MEIG1: variants seen among roughly 807,000 people sequenced by gnomAD.
The protein encoded by MEIG1 is meiosis expressed gene 1 protein homolog.
MEIG1 carries 12 observed loss-of-function variants against 11.3 expected under a neutral mutation model. The ratio of observed to expected loss-of-function variants is 1.07; its 90% CI spans 0.68 to 1.73. The LOEUF (loss-of-function observed/expected upper bound fraction) is 1.73. Among genes scored for constraint, MEIG1 ranks in the 40% most tolerant of loss-of-function variants. The pLI is 0.00. For synonymous variants in MEIG1, 41 were observed against 33.2 expected, an observed-to-expected ratio of 1.24 and a Z score of -0.81; for missense variants, 119 against 104.9, an observed-to-expected ratio of 1.13 and a Z score of -0.59.
chr10:14,977,451 T>G (rs1364093225), downstream of MEIG1, among the ~76,000 whole-genome samples: 7 of 151,998 alleles, frequency 4.6e-5, no homozygotes, highest in Non-Finnish European at 1.0e-4. Context: ...GTTACAGGGA[T>G]GTACACCGTG....
intron 2 of MEIG1, chr10:14,970,633 G>A (rs1168283107): frequency 6.6e-6 from 1 of 152,250 alleles, no homozygotes; most frequent in Non-Finnish European, 1.5e-5. Flanking sequence ...GCCTGCCAAG[G>A]CTTCTCAGAT....
At chr10:14,979,536 C>A (rs567192055) in intron 1 of MEIG1, among the ~76,000 whole-genome samples, 1 of 151,986 alleles carries the variant, frequency 6.6e-6, no homozygotes, top group African/African-American at 2.4e-5. Flanking sequence ...GGTGTACACC[C>A]TGTGTTATTA....
At chr10:14,967,832 C>T (rs982417711) in intron 2 of MEIG1, among the ~76,000 whole-genome samples, 4 of 151,848 alleles carry the variant, frequency 2.6e-5, no homozygotes, top group Admixed American at 1.3e-4. Flanking sequence ...CATGACAAAC[C>T]TTTTCTTAAT....
intron 1 of MEIG1, among the ~76,000 whole-genome samples, chr10:14,984,383 C>A (rs761690776): frequency 2.6e-5 from 4 of 152,200 alleles, no homozygotes; most frequent in South Asian, 2.1e-4. Flanking sequence ...GGGGTATACA[C>A]CCTGCGATAT....
downstream of MEIG1, among the ~76,000 whole-genome samples, chr10:14,975,688 G>A (rs1270609594): frequency 1.3e-5 from 2 of 151,942 alleles, no homozygotes; most frequent in Non-Finnish European, 2.9e-5. Flanking sequence ...AAGGGGGAGA[G>A]GATAACCCTA....
chr10:14,973,935 G>A (rs560431726), downstream of MEIG1, among the ~76,000 whole-genome samples: 2 of 152,114 alleles, frequency 1.3e-5, no homozygotes, highest in East Asian at 1.9e-4. Context: ...GCGCTTTGAC[G>A]GACTAAGGCC....
intron 1 of MEIG1, among the ~76,000 whole-genome samples, chr10:14,984,858 T>C (rs1484287772): frequency 6.6e-6 from 1 of 151,652 alleles, no homozygotes; most frequent in Non-Finnish European, 1.5e-5. Flanking sequence ...ATAGAAATGT[T>C]ACTCGTAATT....
intron 1 of MEIG1, among the ~76,000 whole-genome samples, chr10:14,960,762 C>T (rs1444628781): frequency 6.6e-6 from 1 of 151,978 alleles, no homozygotes; most frequent in South Asian, 2.1e-4. Flanking sequence ...CGTGGTGGCT[C>T]ACCCCTGTAA....
intron 2 of MEIG1, 38 bp downstream of exon 2, chr10:14,966,644 T>C (rs1843088122): frequency 1.3e-6 from 2 of 1,575,304 alleles, no homozygotes; most frequent in East Asian, 4.6e-5. Flanking sequence ...ACTCGAAATG[T>C]ATTTCTCAGA....
upstream of MEIG1, among the ~76,000 whole-genome samples, chr10:14,958,167 T>A (rs1842970569): frequency 6.6e-6 from 1 of 152,190 alleles, no homozygotes; most frequent in Non-Finnish European, 1.5e-5. Flanking sequence ...AGGGTTTTTG[T>A]TTTTGTTTTG....
chr10:14,956,946 C>A (rs532290568), upstream of MEIG1, among the ~76,000 whole-genome samples: 10 of 152,248 alleles, frequency 6.6e-5, no homozygotes, highest in South Asian at 6.2e-4. Context: ...ATAACAACTA[C>A]TTGGGAGCTG....
At chr10:14,981,718 G>C (rs986728342) in intron 1 of MEIG1, among the ~76,000 whole-genome samples, 11 of 152,122 alleles carry the variant, frequency 7.2e-5, no homozygotes, top group African/African-American at 2.7e-4. Flanking sequence ...CTCCTGTTCT[G>C]AGTCATCTTG....
chr10:14,973,020 C>G (rs1010158421), downstream of MEIG1, among the ~76,000 whole-genome samples: 1 of 152,108 alleles, frequency 6.6e-6, no homozygotes, highest in African/African-American at 2.4e-5. Flanking sequence ...TGTGCACTAC[C>G]ATACCCATCT....
chr10:14,976,262 G>A (rs1409712897), downstream of MEIG1, among the ~76,000 whole-genome samples: 1 of 152,096 alleles, frequency 6.6e-6, no homozygotes, highest in Non-Finnish European at 1.5e-5. Flanking sequence ...TATACACCCT[G>A]CTGCATTATT....
At chr10:14,976,792 A>C (rs1355570171), downstream of MEIG1, among the ~76,000 whole-genome samples, 1 of 151,966 alleles carries the variant, frequency 6.6e-6, no homozygotes, top group Non-Finnish European at 1.5e-5. Flanking sequence ...TATTCTTCAT[A>C]ATATTCCAGG....
chr10:14,958,853 A>G (rs994062699), upstream of MEIG1, among the ~76,000 whole-genome samples: 10 of 152,038 alleles, frequency 6.6e-5, no homozygotes, highest in East Asian at 7.7e-4. Context: ...CCGAGATAGC[A>G]CCACTGCACT....
chr10:14,987,703 A>G, intron 2 of MEIG1: 1 of 290,396 alleles, frequency 3.4e-6, no homozygotes, highest in Admixed American at 4.9e-5. Flanking sequence ...AACGTCGTAT[A>G]TAACAAATCC....
chr10:14,966,193 A>G (rs938051973), intron 1 of MEIG1, among the ~76,000 whole-genome samples: 29 of 151,426 alleles, frequency 1.9e-4, no homozygotes, highest in Non-Finnish European at 3.2e-4. Context: ...CTGCCCCAGT[A>G]GCTGGGATGA....
At chr10:14,977,189 C>T (rs1843218359), downstream of MEIG1, among the ~76,000 whole-genome samples, 1 of 151,916 alleles carries the variant, frequency 6.6e-6, no homozygotes, top group African/African-American at 2.4e-5. Flanking sequence ...GGTCTATACT[C>T]CTATTGGCAC....
Sources: gnomAD v4.1 joint callset for allele counts (sites outside exome capture counted in the v4.1 genomes callset) on GRCh38, gnomAD v4.1.1 for gene constraint, MANE v1.5 for transcripts, NCBI Gene and HGNC (gene_info 2026-07-23, HGNC 2026-07-21) for gene names.